KANK1: variants seen among roughly 807,000 people sequenced by gnomAD.
KANK1 encodes the protein KN motif and ankyrin repeat domain-containing protein 1.
In KANK1, 109 loss-of-function variants were observed where a neutral mutation model predicts 106.2. The ratio of observed to expected loss-of-function variants is 1.03; its 90% confidence interval spans 0.88 to 1.20. The LOEUF is 1.20. Ranked by LOEUF, KANK1 falls within the 50% of genes most tolerant of loss-of-function variation. The pLI is 0.00. For missense variants in KANK1, 2,399 were observed against 1,710.7 expected (o/e 1.40, Z -7.10); for synonymous variants, 873 against 652.2 (o/e 1.34, Z -5.16).
At chr9:618,332 C>T (rs181353517) in intron 1 of KANK1, among the ~76,000 whole-genome samples, 6 of 152,152 alleles carry the variant, frequency 3.9e-5, no homozygotes, top group South Asian at 4.2e-4. Flanking sequence ...CTCAGCCTCC[C>T]GAGTAGCTGG....
chr9:657,134 AT>A (rs1228057213), intron 1 of KANK1, among the ~76,000 whole-genome samples: 1 of 152,062 alleles, frequency 6.6e-6, no homozygotes, highest in Non-Finnish European at 1.5e-5. Context: ...GCTTTTTGTG[AT>A]TGGCTTATTT....
intron 1 of KANK1, among the ~76,000 whole-genome samples, chr9:539,275 C>T (rs769352123): frequency 1.5e-4 from 23 of 152,182 alleles, no homozygotes; most frequent in Admixed American, 5.9e-4. Context: ...TATTTTTTTC[C>T]GCTGTAAAAA....
At chr9:652,433 G>A (rs550953233) in intron 1 of KANK1, among the ~76,000 whole-genome samples, 2 of 152,328 alleles carry the variant, frequency 1.3e-5, no homozygotes, top group South Asian at 4.1e-4. Context: ...TGAGGCAAGA[G>A]AATCACTTGA....
At chr9:696,369 G>GTAAC (rs1821310808) in intron 2 of KANK1, among the ~76,000 whole-genome samples, 1 of 152,030 alleles carries the variant, frequency 6.6e-6, no homozygotes, top group Admixed American at 6.5e-5. Context: ...CTTGCTAACT[G>GTAAC]TAACACAGTT....
chr9:737,173 C>CTGGT, intron 7 of KANK1, among the ~76,000 whole-genome samples: 1 of 151,584 alleles, frequency 6.6e-6, no homozygotes. Context: ...GACATAATTT[C>CTGGT]CCTTCTTTCA....
At chr9:605,134 C>G (rs1373850135) in intron 1 of KANK1, among the ~76,000 whole-genome samples, 1 of 151,186 alleles carries the variant, frequency 6.6e-6, no homozygotes, top group Non-Finnish European at 1.5e-5. Flanking sequence ...AAACCTGTCT[C>G]TACTAAAAAT....
At chr9:599,827 G>A (rs1393724057) in intron 1 of KANK1, among the ~76,000 whole-genome samples, 4 of 151,918 alleles carry the variant, frequency 2.6e-5, no homozygotes, top group African/African-American at 7.3e-5. Context: ...GTATTTGCAG[G>A]CAGTCATGGA....
intron 1 of KANK1, among the ~76,000 whole-genome samples, chr9:648,287 C>T (rs577188400): frequency 2.6e-5 from 4 of 152,168 alleles, no homozygotes; most frequent in African/African-American, 4.8e-5. Context: ...CAGGCGTGAG[C>T]CACCACGCCT....
chr9:701,124 A>AT (rs1236354988), intron 2 of KANK1, among the ~76,000 whole-genome samples: 1 of 151,514 alleles, frequency 6.6e-6, no homozygotes, highest in African/African-American at 2.4e-5. Flanking sequence ...AAGACTACAG[A>AT]TTTTTTTTTG....
At chr9:725,039 T>C (rs929599060) in intron 3 of KANK1, among the ~76,000 whole-genome samples, 1 of 152,194 alleles carries the variant, frequency 6.6e-6, no homozygotes, top group African/African-American at 2.4e-5. Context: ...AATTCAGTAT[T>C]GTGTGTATGT....
In KANK1 at chr9:745,840, T is replaced by G. The variant is rs766377616; in HGVS notation, c.*605T>G. The G allele has an allele frequency of 5.9e-5, 9 of 152,650 alleles. No homozygotes were observed. Among genetic ancestry groups the G allele is most frequent in the African/African-American group, 2.2e-4 (9 of 41,450 alleles). The allele number at this position is 152,650 out of a possible 1,614,324, so 9.5% of individuals were successfully genotyped here. ...TATCTATATGAACTTGACACAGTAT[T>G]TTCAGCTTTTGTATTCCATACTAAA... is the stretch of plus-strand genomic sequence containing the variant. On this transcript the variant is annotated 3_prime_UTR_variant, in exon 12 of 12. Coordinates refer to ENST00000382297, the MANE Select transcript of KANK1 (RefSeq NM_015158.5).
At chr9:557,880 C>T (rs947287704) in intron 1 of KANK1, among the ~76,000 whole-genome samples, 2 of 152,162 alleles carry the variant, frequency 1.3e-5, no homozygotes, top group Non-Finnish European at 2.9e-5. Context: ...TGGCACACGC[C>T]TGTGGTCTCA....
chr9:477,686 G>A (rs1055235097), intron 3 of KANK1: 2 of 152,262 alleles, frequency 1.3e-5, no homozygotes, highest in Non-Finnish European at 2.9e-5. Flanking sequence ...GAAAAAGACT[G>A]TGTTCTGCTC....
chr9:663,544 C>G (rs1295700528), intron 1 of KANK1, among the ~76,000 whole-genome samples: 1 of 152,198 alleles, frequency 6.6e-6, no homozygotes, highest in Non-Finnish European at 1.5e-5. Context: ...TTTAATCATT[C>G]TGATTTTCAT....
intron 1 of KANK1, among the ~76,000 whole-genome samples, chr9:525,288 C>G (rs561599070): frequency 6.6e-6 from 1 of 151,364 alleles, no homozygotes; most frequent in Non-Finnish European, 1.5e-5. Context: ...AGCTACTGCT[C>G]CCAGCCAACT....
chr9:680,550 A>C (rs1402187090), intron 2 of KANK1, among the ~76,000 whole-genome samples: 1 of 152,198 alleles, frequency 6.6e-6, no homozygotes, highest in Non-Finnish European at 1.5e-5. Context: ...AATAAACCTT[A>C]TTAATATAGG....
At chr9:591,801 G>A (rs1053149696) in intron 1 of KANK1, among the ~76,000 whole-genome samples, 4 of 151,674 alleles carry the variant, frequency 2.6e-5, no homozygotes. Context: ...TGGGATTACA[G>A]GTGCCCACTA....
At chr9:632,268 C>T (rs9407325) in intron 1 of KANK1, among the ~76,000 whole-genome samples, 35,959 of 151,598 alleles carry the variant, frequency 0.24, 4,376 homozygotes, top group East Asian at 0.32. Flanking sequence ...AATTGCATGC[C>T]CCTAGATTTT....
At chr9:631,611 G>A (rs796083683) in intron 1 of KANK1, among the ~76,000 whole-genome samples, 11 of 152,252 alleles carry the variant, frequency 7.2e-5, no homozygotes, top group African/African-American at 2.6e-4. Flanking sequence ...AGTAGTTACT[G>A]AAAACTAACC....
Sources: gnomAD v4.1 joint callset for allele counts (sites outside exome capture counted in the v4.1 genomes callset) on GRCh38, gnomAD v4.1.1 for gene constraint, MANE v1.5 for transcripts, NCBI Gene and HGNC (gene_info 2026-07-23, HGNC 2026-07-21) for gene names.